NAA38: variants seen among roughly 807,000 people sequenced by gnomAD.
NAA38 encodes LSM domain containing 1.
In NAA38, 15 loss-of-function variants were observed where a neutral mutation model predicts 12.6. The ratio of observed to expected loss-of-function variants is 1.19; its 90% CI spans 0.79 to 1.83. The LOEUF is 1.83. Among genes scored for constraint, NAA38 ranks in the 40% most tolerant of loss-of-function variants. The pLI, the probability that NAA38 is intolerant of heterozygous loss-of-function variation, is 0.00. For missense variants in NAA38, 183 were observed against 171.7 expected (o/e 1.07, Z -0.37); for synonymous variants, 88 against 69.9 (o/e 1.26, Z -1.29).
At chr17:7,876,384 C>A (rs1429366135) in intron 2 of NAA38, among the ~76,000 whole-genome samples, 1 of 152,078 alleles carries the variant, frequency 6.6e-6, no homozygotes, top group Non-Finnish European at 1.5e-5. Flanking sequence ...CTGACCTCTA[C>A]TCTTCACTTG....
intron 2 of NAA38, among the ~76,000 whole-genome samples, chr17:7,882,759 A>G (rs773323918): frequency 6.6e-6 from 1 of 152,172 alleles, no homozygotes; most frequent in Non-Finnish European, 1.5e-5. Flanking sequence ...AATAAAGAAC[A>G]TTTTAGCTTC....
intron 2 of NAA38, among the ~76,000 whole-genome samples, chr17:7,878,416 G>A (rs935254420): frequency 6.6e-6 from 1 of 151,676 alleles, no homozygotes; most frequent in Admixed American, 6.6e-5. Flanking sequence ...ACATGGGGTT[G>A]CTGACTTTTC....
chr17:7,866,683 C>A (rs1018186747), intron 2 of NAA38: 1 of 408,698 alleles, frequency 2.4e-6, no homozygotes, highest in African/African-American at 2.0e-5. Flanking sequence ...GACACTTTAT[C>A]TGATACCTCC....
At chr17:7,883,162 C>A (rs1261604543) in intron 2 of NAA38, 1 of 152,152 alleles carries the variant, frequency 6.6e-6, no homozygotes, top group East Asian at 1.9e-4. Context: ...TACCACTTTA[C>A]CATAAACACT....
intron 2 of NAA38, chr17:7,877,076 G>T: frequency 2.6e-6 from 1 of 379,174 alleles, no homozygotes; most frequent in Non-Finnish European, 5.3e-6. Context: ...GATTCATGAG[G>T]AATTATTTCT....
intron 3 of NAA38, chr17:7,863,194 G>A (rs932746578): frequency 1.3e-5 from 2 of 152,176 alleles, no homozygotes; most frequent in Non-Finnish European, 2.9e-5. Context: ...AATCTTTCCA[G>A]TAGGCACTGC....
chr17:7,860,289 C>T (rs2078873459), upstream of NAA38: 1 of 152,102 alleles, frequency 6.6e-6, no homozygotes, highest in South Asian at 2.1e-4. Context: ...GTAGCTGGGA[C>T]TTCAGGTGCA....
chr17:7,881,541 G>A (rs950960807), intron 2 of NAA38, among the ~76,000 whole-genome samples: 3 of 151,808 alleles, frequency 2.0e-5, no homozygotes, highest in African/African-American at 4.8e-5. Context: ...AGGGGAGAGA[G>A]ACTATCCTCA....
At chr17:7,872,902 G>A (rs1967110793) in intron 2 of NAA38, among the ~76,000 whole-genome samples, 1 of 152,060 alleles carries the variant, frequency 6.6e-6, no homozygotes. Context: ...AGACTGATAC[G>A]ACAGTGGAGA....
chr17:7,859,899 G>A (rs934654547), upstream of NAA38: 4 of 420,072 alleles, frequency 9.5e-6, no homozygotes, highest in African/African-American at 8.0e-5. Flanking sequence ...AGAACTGTTT[G>A]ATAGTTAAGA....
At position 7,857,242 on chromosome 17, in the gene NAA38, G is replaced by A. The variant is rs761940300; in HGVS notation, c.82-44C>T. On this transcript the variant is annotated intron_variant, in intron 1 of 2. Transcript: ENST00000575771. ...GCGCTCAGACCGCGCAGCCCAGGCT[G>A]CCCGCCCGCGGAACCACAGCTCCCG... 8 of 1,610,216 alleles carry A rather than the reference G, an allele frequency of 5.0e-6. No individual in the cohort carries two copies. In the South Asian group the frequency reaches 5.5e-5, roughly 11 times the overall value.
chr17:7,884,089 C>CACAT, intron 1 of NAA38, among the ~76,000 whole-genome samples: 1 of 151,534 alleles, frequency 6.6e-6, no homozygotes, highest in Non-Finnish European at 1.5e-5. Context: ...CACACACACA[C>CACAT]ACACACTTCA....
chr17:7,876,308 T>C (rs1225272423), intron 2 of NAA38, among the ~76,000 whole-genome samples: 1 of 152,114 alleles, frequency 6.6e-6, no homozygotes, highest in Non-Finnish European at 1.5e-5. Context: ...CACTACCTGG[T>C]ACACTTAACA....
chr17:7,884,457 CAT>C (rs377079849), intron 1 of NAA38, among the ~76,000 whole-genome samples: 60,480 of 130,504 alleles, frequency 0.46, 15,228 homozygotes, highest in Non-Finnish European at 0.58. Flanking sequence ...TATATATATA[CAT>C]ATATATATAT....
At chr17:7,859,415 C>CACCGCTAT (rs1169325009), upstream of NAA38, 1 of 1,614,106 alleles carries the variant, frequency 6.2e-7, no homozygotes, top group African/African-American at 1.3e-5. Flanking sequence ...GGAAATCCTA[C>CACCGCTAT]ACCGCTATCT....
At chr17:7,858,817 C>T (rs753568540), upstream of NAA38, 6 of 1,542,174 alleles carry the variant, frequency 3.9e-6, no homozygotes, top group East Asian at 1.4e-4. Context: ...CAGGAGCACA[C>T]ACTGGAGGTG....
At chr17:7,884,922 CCGA>C in intron 1 of NAA38, 1 of 1,414,042 alleles carries the variant, frequency 7.1e-7, no homozygotes, top group Non-Finnish European at 9.3e-7. Flanking sequence ...GTGGAGGCGG[CCGA>C]CGAGGACGAT....
chr17:7,858,780 A>C, upstream of NAA38: 1 of 1,580,192 alleles, frequency 6.3e-7, no homozygotes, highest in East Asian at 2.2e-5. Context: ...GACCCGGAGC[A>C]TCCGCATCAT....
At chr17:7,884,461 T>TATATATATATATGTATATATATATATAC (rs1967434108) in intron 1 of NAA38, among the ~76,000 whole-genome samples, 1 of 135,734 alleles carries the variant, frequency 7.4e-6, no homozygotes, top group African/African-American at 2.9e-5. Context: ...TATATACATA[T>TATATATATATATGTATATATATATATAC]ATATATATAT....
Sources: gnomAD v4.1 joint callset for allele counts (sites outside exome capture counted in the v4.1 genomes callset) on GRCh38, gnomAD v4.1.1 for gene constraint, MANE v1.5 for transcripts, NCBI Gene and HGNC (gene_info 2026-07-23, HGNC 2026-07-21) for gene names.